Variants in PRMT3 observed in about 807,000 individuals in gnomAD.
The protein encoded by PRMT3 is protein arginine N-methyltransferase 3.
PRMT3 carries 62 observed loss-of-function variants against 71.9 expected under a neutral mutation model. That is an observed-to-expected ratio of 0.86 (90% confidence interval 0.70 to 1.07). The LOEUF is 1.07. Ranked by LOEUF, PRMT3 falls within the 50% of genes least tolerant of loss-of-function variation. PRMT3 has a pLI of 0.00. For synonymous variants in PRMT3, 213 were observed against 220.4 expected (o/e 0.97, Z 0.30); for missense variants, 663 against 643.0 (o/e 1.03, Z -0.34).
intron 9 of PRMT3, among the ~76,000 whole-genome samples, chr11:20,422,542 T>C (rs931437450): frequency 6.6e-6 from 1 of 152,190 alleles, no homozygotes; most frequent in Non-Finnish European, 1.5e-5. Context: ...TTTTTCACTA[T>C]CTTCCCCTCT....
chr11:20,402,906 C>G lies in PRMT3; in HGVS notation c.706-13C>G, dbSNP rs758995493. 6.3e-7 allele frequency: 1 copy of G among 1,599,762 alleles called. No homozygotes were observed. Among genetic ancestry groups the G allele is most frequent in the Admixed American group, 1.7e-5 (1 of 59,894 alleles). On this transcript the variant is annotated splice_polypyrimidine_tract_variant and intron_variant, in intron 7 of 15. Transcript: ENST00000331079. ...TGTCCTATAAACACAGCGTTTTCCT[C>G]TCTCCACCCTAGGACAAAATACGAA...
chr11:20,414,632 A>T (rs1471475700), intron 9 of PRMT3, among the ~76,000 whole-genome samples: 1 of 152,086 alleles, frequency 6.6e-6, no homozygotes, highest in Non-Finnish European at 1.5e-5. Context: ...TTGGTTTCTC[A>T]TTGACACAGT....
chr11:20,461,206 T>C (rs995967376), intron 11 of PRMT3, among the ~76,000 whole-genome samples: 73 of 152,312 alleles, frequency 4.8e-4, no homozygotes, highest in African/African-American at 1.8e-3. Flanking sequence ...TTATGCACAC[T>C]GCTGCTCACT....
intron 15 of PRMT3, among the ~76,000 whole-genome samples, chr11:20,505,723 A>G (rs1472293089): frequency 6.6e-6 from 1 of 152,176 alleles, no homozygotes; most frequent in Admixed American, 6.5e-5. Flanking sequence ...AAATGTGTTC[A>G]ATATACTAAT....
At chr11:20,391,258 T>G (rs549581499) in intron 3 of PRMT3, among the ~76,000 whole-genome samples, 22 of 152,292 alleles carry the variant, frequency 1.4e-4, no homozygotes, top group South Asian at 8.3e-4. Flanking sequence ...TTTTGTTTTT[T>G]TTTTGAGACG....
At chr11:20,404,251 T>C (rs1391024196) in intron 8 of PRMT3, among the ~76,000 whole-genome samples, 3 of 67,854 alleles carry the variant, frequency 4.4e-5, no homozygotes, top group African/African-American at 1.5e-4. Context: ...TTTTTTTTTT[T>C]TGAGACAGAG....
intron 10 of PRMT3, among the ~76,000 whole-genome samples, chr11:20,432,676 C>G (rs1305032503): frequency 6.6e-6 from 1 of 152,114 alleles, no homozygotes; most frequent in Non-Finnish European, 1.5e-5. Context: ...TATATTCTTA[C>G]CAACAGTGTA....
At chr11:20,441,268 TTTATTTA>T (rs1565213789) in intron 10 of PRMT3, among the ~76,000 whole-genome samples, 9 of 2,714 alleles carry the variant, frequency 3.3e-3, no homozygotes, top group Admixed American at 7.6e-3. Context: ...TAACTTTTTA[TTTATTTA>T]TTTATTTATT....
At chr11:20,418,022 T>C (rs749720714) in intron 9 of PRMT3, among the ~76,000 whole-genome samples, 1 of 152,156 alleles carries the variant, frequency 6.6e-6, no homozygotes, top group Non-Finnish European at 1.5e-5. Flanking sequence ...TGCAAGATAA[T>C]TAATCATGAT....
intron 13 of PRMT3, among the ~76,000 whole-genome samples, chr11:20,477,555 C>CA (rs148599172): frequency 0.24 from 35,312 of 148,602 alleles, 4,307 homozygotes; most frequent in South Asian, 0.38. Flanking sequence ...GATTCCGTCT[C>CA]AAAAAAAAAA....
intron 8 of PRMT3, among the ~76,000 whole-genome samples, chr11:20,403,595 CT>C (rs1322046962): frequency 1.9e-4 from 28 of 150,064 alleles, no homozygotes; most frequent in Admixed American, 3.3e-4. Flanking sequence ...CTTCCTTACA[CT>C]TTTTTTTTTC....
At position 20,499,261 on chromosome 11, in the gene PRMT3, C is replaced by T. The variant is rs192432421; in HGVS notation, c.1486+5007C>T. On this transcript the variant is annotated intron_variant, in intron 15 of 15. Transcript: ENST00000331079. ...AACAGCTAATGAATTTAAAATTAAA[C>T]CACAAACTATAGCTAATAATTTACT... Among the ~76,000 whole-genome samples the T allele has an allele frequency of 5.3e-5, 8 of 152,190 alleles. No individual in the cohort carries two copies. The East Asian group carries it at 1.4e-3, about 26-fold the overall frequency.
At chr11:20,446,528 TC>T (rs1285243138) in intron 10 of PRMT3, among the ~76,000 whole-genome samples, 1 of 152,076 alleles carries the variant, frequency 6.6e-6, no homozygotes, top group Non-Finnish European at 1.5e-5. Context: ...CAGACTTTTT[TC>T]CCACAGGAAC....
Position 20,387,964 on chromosome 11 carries a change from C to T in PRMT3, c.29-55C>T. The T allele has an allele frequency of 1.2e-6, 2 of 1,609,102 alleles. No individual in the cohort carries two copies. The highest frequency in any genetic ancestry group is 1.7e-5 in the Admixed American group (1 of 59,748). On this transcript the variant is annotated intron_variant, in intron 1 of 15. Transcript: ENST00000331079. The surrounding 1 kb of genome is among the most constrained non-coding windows in gnomAD (Gnocchi z 4.3). ...AGCCCATCGTCACCTGCTCCTCGAGCCCCCGGGCCGCACCGGTGTCCGAGG... is the reference window on the plus strand; with the variant it reads ...AGCCCATCGTCACCTGCTCCTCGAGTCCCCGGGCCGCACCGGTGTCCGAGG...
chr11:20,389,909 T>A, intron 3 of PRMT3, 83 bp downstream of exon 3: 2 of 1,054,000 alleles, frequency 1.9e-6, no homozygotes, highest in Admixed American at 3.6e-5. Context: ...CCCAGCACTT[T>A]GGGAGGCTGA....
At chr11:20,391,059 AAAAT>A (rs1323554637) in intron 3 of PRMT3, among the ~76,000 whole-genome samples, 5 of 152,122 alleles carry the variant, frequency 3.3e-5, no homozygotes, top group African/African-American at 7.2e-5. Flanking sequence ...CAAAAAAAAA[AAAAT>A]AATAGGTTTT....
chr11:20,455,727 C>T (rs1850253649), intron 11 of PRMT3, among the ~76,000 whole-genome samples: 2 of 151,780 alleles, frequency 1.3e-5, no homozygotes, highest in South Asian at 4.2e-4. Flanking sequence ...ATAATTAAAA[C>T]AATATATTAT....
At chr11:20,484,194 G>T (rs1340791914) in intron 13 of PRMT3, among the ~76,000 whole-genome samples, 1 of 152,196 alleles carries the variant, frequency 6.6e-6, no homozygotes, top group Non-Finnish European at 1.5e-5. Flanking sequence ...TGGTAAGACT[G>T]CCCTTAAAGG....
intron 10 of PRMT3, among the ~76,000 whole-genome samples, chr11:20,450,904 A>G (rs1850132802): frequency 6.6e-6 from 1 of 152,208 alleles, no homozygotes; most frequent in South Asian, 2.1e-4. Flanking sequence ...TGAGTGGATG[A>G]GAACAGTTTT....
Sources: gnomAD v4.1 joint callset for allele counts (sites outside exome capture counted in the v4.1 genomes callset) on GRCh38, gnomAD v4.1.1 for gene constraint, Gnocchi (gnomAD v3.1) non-coding constraint, MANE v1.5 for transcripts, NCBI Gene and HGNC (gene_info 2026-07-23, HGNC 2026-07-21) for gene names.